Variants in ERBB4 observed in about 807,000 individuals in gnomAD.
The protein encoded by ERBB4 is erb-b2 receptor tyrosine kinase 4.
In ERBB4, 42 loss-of-function variants were observed where a neutral mutation model predicts 158.0. The ratio of observed to expected loss-of-function variants is 0.27; its 90% CI spans 0.21 to 0.34. The LOEUF is 0.34. ERBB4 is among the 10% of genes least tolerant of loss of function. The pLI is 1.00. For synonymous variants in ERBB4, 583 were observed against 558.7 expected (o/e 1.04, Z -0.61); for missense variants, 1,333 against 1,624.1 (o/e 0.82, Z 3.08).
chr2:211,994,956 G>C (rs2082165666), intron 2 of ERBB4, among the ~76,000 whole-genome samples: 1 of 152,128 alleles, frequency 6.6e-6, no homozygotes, highest in African/African-American at 2.4e-5. Flanking sequence ...AAGCTATTAA[G>C]GCCTGACATT....
intron 2 of ERBB4, among the ~76,000 whole-genome samples, chr2:212,075,149 A>ACT (rs1559448432): frequency 3.3e-5 from 5 of 152,114 alleles, no homozygotes; most frequent in Admixed American, 1.3e-4. Flanking sequence ...CTTAAAAAAT[A>ACT]TAAAAGTGTT....
chr2:212,281,016 A>AT lies in ERBB4; in HGVS notation c.83-156114dup, dbSNP rs950267689. On this transcript the variant is annotated intron_variant, in intron 1 of 27. Coordinates refer to ENST00000342788, the MANE Select transcript of ERBB4 (RefSeq NM_005235.3). ...AATTAAGCAGGAAAAAGATAAGAAA[A>AT]TTTTTTTTGTAAAGTCACATTCCTC... Among the ~76,000 whole-genome samples the AT allele has an allele frequency of 4.6e-5, 7 of 151,672 alleles. No homozygotes were observed. The South Asian group carries it at 1.2e-3, about 27-fold the overall frequency.
chr2:212,147,157 ATTTTTTTTTTTTTTTTTTT>A lies in ERBB4; in HGVS notation c.83-22273_83-22255del, dbSNP rs71397161. On this transcript the variant is annotated intron_variant, in intron 1 of 27. Coordinates refer to ENST00000342788, the MANE Select transcript of ERBB4 (RefSeq NM_005235.3). ...AGGGGCATGCCACCATGCCCAGCTA[ATTTTTTTTTTTTTTTTTTT>A]TTTTTTTTTTGTAGAGATGGGGTTT... Among the ~76,000 whole-genome samples, 3 of 34,238 alleles carry A rather than the reference ATTTTTTTTTTTTTTTTTTT, an allele frequency of 8.8e-5. No homozygotes were observed. In the East Asian group the frequency reaches 1.9e-3, roughly 21 times the overall value. The allele number at this position is 34,238 out of a possible 152,430, so 22.5% of individuals were successfully genotyped here.
intron 3 of ERBB4, among the ~76,000 whole-genome samples, chr2:211,831,264 G>A (rs765464167): frequency 9.2e-5 from 14 of 152,042 alleles, no homozygotes; most frequent in Non-Finnish European, 1.6e-4. Context: ...GGCAACCCTC[G>A]TGTCCACTTC....
In ERBB4 at chr2:212,168,485, G is replaced by A. The variant is rs560278070; in HGVS notation, c.83-43582C>T. ...GACAGTTTCTAATGGAGGGCACCAT[G>A]CTAAGAGCTGTGGGAGAGAAAGACA... On this transcript the variant is annotated intron_variant, in intron 1 of 27. Transcript: ENST00000342788. Among the ~76,000 whole-genome samples the A allele has an allele frequency of 5.9e-5, 9 of 152,244 alleles. No individual in the cohort carries two copies. The South Asian group carries it at 1.9e-3, about 32-fold the overall frequency.
At chr2:212,231,730 T>G (rs2083672675) in intron 1 of ERBB4, among the ~76,000 whole-genome samples, 2 of 152,196 alleles carry the variant, frequency 1.3e-5, no homozygotes, top group Admixed American at 1.3e-4. Flanking sequence ...TCCCTATAGT[T>G]TTTACTCCTC....
chr2:211,387,926 T>C lies in ERBB4; in HGVS notation c.3183+19A>G. ...GACCGAAAATCCTAAAAGATGAAGG[T>C]TGATTGTGAAATACTTACTCCTGAC... On this transcript the variant is annotated intron_variant, in intron 26 of 27. Coordinates refer to ENST00000342788, the MANE Select transcript of ERBB4 (RefSeq NM_005235.3). 6.3e-7 allele frequency: 1 copy of C among 1,585,322 alleles called. No homozygotes were observed. Among genetic ancestry groups the C allele is most frequent in the Non-Finnish European group, 8.7e-7 (1 of 1,153,950 alleles).
chr2:211,906,687 G>A (rs2125045489), intron 3 of ERBB4, among the ~76,000 whole-genome samples: 1 of 150,830 alleles, frequency 6.6e-6, no homozygotes, highest in East Asian at 2.0e-4. Context: ...TTTTTTTTCT[G>A]ATCCTCTCCC....
chr2:212,141,121 C>T lies in ERBB4; in HGVS notation c.83-16218G>A, dbSNP rs79577420. On this transcript the variant is annotated intron_variant, in intron 1 of 27. Coordinates refer to ENST00000342788, the MANE Select transcript of ERBB4 (RefSeq NM_005235.3). The stretch of plus-strand genomic sequence containing the variant: ...TTTAGGTTCAATAGTAGTATATTTC[C>T]GTCAAGTAAAAATGCCATAAACAAG... 2.6e-4 allele frequency among the ~76,000 whole-genome samples: 39 copies of T among 151,670 alleles called. 1 individual carries two copies. In the East Asian group the frequency reaches 6.4e-3, roughly 25 times the overall value.
At chr2:212,248,042 A>G (rs2084377782) in intron 1 of ERBB4, among the ~76,000 whole-genome samples, 1 of 152,220 alleles carries the variant, frequency 6.6e-6, no homozygotes. Flanking sequence ...TTTGAGTTTA[A>G]GAAATACTGG....
At chr2:212,188,834 C>A (rs2082105800) in intron 1 of ERBB4, among the ~76,000 whole-genome samples, 1 of 152,012 alleles carries the variant, frequency 6.6e-6, no homozygotes, top group Non-Finnish European at 1.5e-5. Flanking sequence ...ATAATGTATT[C>A]ATTATAAGCT....
At chr2:211,816,675 C>T (rs2076887637) in intron 3 of ERBB4, among the ~76,000 whole-genome samples, 1 of 151,586 alleles carries the variant, frequency 6.6e-6, no homozygotes, top group Non-Finnish European at 1.5e-5. Context: ...ACACATATCT[C>T]AACTAATTTT....
intron 3 of ERBB4, among the ~76,000 whole-genome samples, chr2:211,913,633 G>A (rs1209012088): frequency 0.026 from 3,522 of 135,648 alleles, 157 homozygotes; most frequent in African/African-American, 0.083. Context: ...GTGTGTGTGT[G>A]TGTGTGTGTG....
intron 1 of ERBB4, among the ~76,000 whole-genome samples, chr2:212,181,754 C>T (rs1281339603): frequency 6.6e-6 from 1 of 151,688 alleles, no homozygotes; most frequent in Non-Finnish European, 1.5e-5. Flanking sequence ...AAGACTTATA[C>T]AAACAAGAGA....
At chr2:212,072,722 T>A (rs1054799611) in intron 2 of ERBB4, among the ~76,000 whole-genome samples, 1 of 152,016 alleles carries the variant, frequency 6.6e-6, no homozygotes, top group African/African-American at 2.4e-5. Flanking sequence ...ACTTAGCCAT[T>A]TAAATCAATA....
intron 16 of ERBB4, chr2:211,657,499 A>G: frequency 2.3e-6 from 1 of 427,544 alleles, no homozygotes; most frequent in South Asian, 2.1e-5. Context: ...ACAGAGTGAG[A>G]CTCGGTCTCC....
At chr2:212,158,043 A>G (rs1376220982) in intron 1 of ERBB4, among the ~76,000 whole-genome samples, 1 of 152,056 alleles carries the variant, frequency 6.6e-6, no homozygotes, top group East Asian at 1.9e-4. Flanking sequence ...AGTGATAATA[A>G]AAGTAATATT....
intron 1 of ERBB4, among the ~76,000 whole-genome samples, chr2:212,425,220 A>G (rs1423607713): frequency 6.6e-6 from 1 of 150,578 alleles, no homozygotes; most frequent in African/African-American, 2.4e-5. Flanking sequence ...TAGTCTGACA[A>G]TATTTGCTCA....
chr2:211,581,695 T>A (rs970410537), intron 19 of ERBB4, among the ~76,000 whole-genome samples: 2 of 152,138 alleles, frequency 1.3e-5, no homozygotes, highest in African/African-American at 2.4e-5. Context: ...TTCACCCCTA[T>A]GGCCTCATTT....
Sources: allele counts gnomAD v4.1 joint callset (sites outside exome capture counted in the v4.1 genomes callset), GRCh38; gene constraint gnomAD v4.1.1; transcripts MANE v1.5; gene names NCBI Gene and HGNC (gene_info 2026-07-23, HGNC 2026-07-21).